Variants in IL4I1 observed in about 807,000 individuals in gnomAD.
IL4I1 encodes L-amino-acid oxidase.
A neutral mutation model predicts 29.7 loss-of-function variants in IL4I1; 24 were observed. That is an observed-to-expected ratio of 0.81 (90% confidence interval 0.59 to 1.14). IL4I1 has a LOEUF of 1.14. IL4I1 is among the 50% of genes most tolerant of loss of function. The pLI is 0.00. For missense variants in IL4I1, 686 were observed against 785.6 expected (o/e 0.87, Z 1.52); for synonymous variants, 371 against 352.5 (o/e 1.05, Z -0.59).
In IL4I1 at chr19:49,896,058, G is replaced by A; in HGVS notation, c.14-5C>T. ...CGAGGACGAGGAGGTGCAGGGCTGG[G>A]AGGAGGAGGACAGGGTCAACGGGGT... On this transcript the variant is annotated splice_region_variant and splice_polypyrimidine_tract_variant and intron_variant, in intron 2 of 7. Coordinates refer to ENST00000391826, the MANE Select transcript of IL4I1 (RefSeq NM_152899.2). 1.2e-6 allele frequency: 2 copies of A among 1,612,788 alleles called. No homozygotes were observed. The highest frequency in any genetic ancestry group is 8.5e-7 in the Non-Finnish European group (1 of 1,179,196).
At chr19:49,896,287 C>A (rs2075209667) in intron 1 of IL4I1, 105 bp from the exon 2 acceptor site, 5 of 1,337,136 alleles carry the variant, frequency 3.7e-6, no homozygotes, top group East Asian at 2.5e-5. Flanking sequence ...GGCCCTCCCC[C>A]AGTCACTGTC....
At chr19:49,896,726 G>T in intron 1 of IL4I1, 109 bp downstream of exon 1, 1 of 669,018 alleles carries the variant, frequency 1.5e-6, no homozygotes, top group Non-Finnish European at 1.8e-6. Context: ...GAGCCCCCGC[G>T]CCCGGCCTCT....
In IL4I1 at chr19:49,895,184, A is replaced by C; in HGVS notation, c.253-4T>G. ...TATCTGCCTCCAGGATGGTGACCTG[A>C]GGGAGTCCGTGGGGCGAGGAGGGCC... On this transcript the variant is annotated splice_region_variant and splice_polypyrimidine_tract_variant and intron_variant, in intron 3 of 7. Coordinates refer to ENST00000391826, the MANE Select transcript of IL4I1 (RefSeq NM_152899.2). 1 of 1,612,668 alleles carries C rather than the reference A, an allele frequency of 6.2e-7. No homozygotes were observed. Among genetic ancestry groups the C allele is most frequent in the Non-Finnish European group, 8.5e-7 (1 of 1,179,036 alleles).
chr19:49,909,918 G>T, intron 2 of IL4I1: 1 of 1,224,288 alleles, frequency 8.2e-7, no homozygotes, highest in East Asian at 2.5e-5. Flanking sequence ...TCAGATGGCA[G>T]TTTTGGAAAG....
chr19:49,908,575 C>T (rs2122593045), intron 2 of IL4I1: 1 of 1,614,184 alleles, frequency 6.2e-7, no homozygotes, highest in Non-Finnish European at 8.5e-7. Context: ...TGACCAACTC[C>T]TCCAGTGGGC....
chr19:49,901,384 A>AAAAAC (rs556095138), upstream of IL4I1, among the ~76,000 whole-genome samples: 103 of 152,326 alleles, frequency 6.8e-4, no homozygotes, highest in South Asian at 2.3e-3. Context: ...ACTCTGTCTC[A>AAAAAC]AAAACAAAAC....
chr19:49,901,706 A>G, upstream of IL4I1: 2 of 1,532,896 alleles, frequency 1.3e-6, no homozygotes, highest in South Asian at 2.5e-5. Context: ...GACAGAAGTC[A>G]TCGTTGGGCA....
rs1234233658 is a variant in IL4I1, at chr19:49,894,386, T to C, written c.449A>G (p.His150Arg). 2 of 1,614,126 alleles carry C rather than the reference T, an allele frequency of 1.2e-6. No individual in the cohort carries two copies. The highest frequency in any genetic ancestry group is 2.2e-5 in the East Asian group (1 of 44,898). The stretch of plus-strand genomic sequence containing the variant: ...CACATAGTTGCGCAGCTTCACTTCG[T>C]GCACCTCCGTCCACGTGTTCTTGTC... ...QYDKNTWTEV[H>R]EVKLRNYVVE... Residue 150 changes from histidine (H) to arginine (R), a missense_variant, in exon 5 of 8, where the codon CAC becomes CGC. By Grantham distance (29) the His-to-Arg change is conservative. Coordinates refer to ENST00000391826, the MANE Select transcript of IL4I1 (RefSeq NM_152899.2).
chr19:49,891,407 A>T lies in IL4I1; in HGVS notation c.634T>A (p.Leu212Met), dbSNP rs377309683. Residue 212 changes from leucine (L) to methionine (M), a missense_variant and splice_region_variant, in exon 6 of 8, where the codon TTG becomes ATG. Leu to Met is a conservative substitution (Grantham distance 15). Transcript: ENST00000391826. ...GCAGAACCAAGATCCCCACTTACCAAGAGCGTGTGCCTTTCAAACTTCTTC... is the reference window on the plus strand; with the variant it reads ...GCAGAACCAAGATCCCCACTTACCATGAGCGTGTGCCTTTCAAACTTCTTC... ...AMKKFERHTL[L>M]EYLLGEGNLS... 2 of 1,613,848 alleles carry T rather than the reference A, an allele frequency of 1.2e-6. No homozygotes were observed. The highest frequency in any genetic ancestry group is 2.7e-5 in the African/African-American group (2 of 74,912).
At chr19:49,927,004 T>G (rs2075910435) in intron 2 of IL4I1, among the ~76,000 whole-genome samples, 1 of 151,902 alleles carries the variant, frequency 6.6e-6, no homozygotes, top group South Asian at 2.1e-4. Context: ...GGACCACAGG[T>G]GCAAACCACC....
chr19:49,901,736 T>C (rs2075274111), upstream of IL4I1: 2 of 1,509,474 alleles, frequency 1.3e-6, no homozygotes, highest in Non-Finnish European at 1.8e-6. Context: ...TCAAGGTGAA[T>C]GATGGTGGCT....
chr19:49,891,307 G>A (rs1317876345), intron 6 of IL4I1, 98 bp downstream of exon 6: 1 of 1,451,552 alleles, frequency 6.9e-7, no homozygotes, highest in East Asian at 2.3e-5. Flanking sequence ...GCGGTGGCAG[G>A]ACTAGGGTGC....
chr19:49,910,253 C>A (rs906874851), intron 2 of IL4I1, among the ~76,000 whole-genome samples: 1 of 152,034 alleles, frequency 6.6e-6, no homozygotes, highest in Admixed American at 6.6e-5. Context: ...CTGCTCCCAG[C>A]GTGGGACCCA....
chr19:49,926,406 T>A (rs1478462879), intron 2 of IL4I1, among the ~76,000 whole-genome samples: 1 of 151,930 alleles, frequency 6.6e-6, no homozygotes, highest in Non-Finnish European at 1.5e-5. Flanking sequence ...GGTGGGCGCC[T>A]GTAATCCCAG....
intron 6 of IL4I1, 80 bp downstream of exon 6, chr19:49,891,325 C>T: frequency 2.0e-6 from 3 of 1,516,974 alleles, no homozygotes; most frequent in Admixed American, 1.7e-5. Context: ...TGCCAGGTAC[C>T]CGCCTTCTGA....
At chr19:49,903,533 C>T (rs929733574) in intron 3 of IL4I1, among the ~76,000 whole-genome samples, 23 of 152,232 alleles carry the variant, frequency 1.5e-4, no homozygotes, top group African/African-American at 5.3e-4. Context: ...CGCTTCCGAG[C>T]GTGAGGGCTT....
chr19:49,901,950 C>A (rs2075275498), intron 3 of IL4I1: 3 of 350,026 alleles, frequency 8.6e-6, no homozygotes, highest in Admixed American at 4.8e-5. Context: ...TCTCACTCAC[C>A]CTCCCCGCCC....
chr19:49,914,129 G>C (rs992943388), intron 2 of IL4I1, among the ~76,000 whole-genome samples: 2 of 152,186 alleles, frequency 1.3e-5, no homozygotes, highest in Admixed American at 1.3e-4. Context: ...CAGGAGGATT[G>C]CTTAAGCCCA....
At chr19:49,898,459 C>T (rs1190254606), upstream of IL4I1, among the ~76,000 whole-genome samples, 4 of 151,964 alleles carry the variant, frequency 2.6e-5, no homozygotes, top group African/African-American at 7.3e-5. Flanking sequence ...GCCAAGATGG[C>T]GAAACCCTTT....
Sources: allele counts gnomAD v4.1 joint callset (sites outside exome capture counted in the v4.1 genomes callset), GRCh38; gene constraint gnomAD v4.1.1; transcripts MANE v1.5; gene names NCBI Gene and HGNC (gene_info 2026-07-23, HGNC 2026-07-21).